The following ZPBP variants were observed in gnomAD, a reference collection of about 807,000 sequenced individuals.
ZPBP encodes zona pellucida-binding protein 1.
Under a neutral mutation model 44.8 loss-of-function variants are expected in ZPBP, and 26 were observed. The ratio of observed to expected loss-of-function variants is 0.58; its 90% CI spans 0.43 to 0.81. The LOEUF is 0.81. Among genes scored for constraint, ZPBP ranks in the 30% least tolerant of loss-of-function variants. ZPBP has a pLI of 0.00. For missense variants in ZPBP, 409 were observed against 434.0 expected (o/e 0.94, Z 0.51); for synonymous variants, 174 against 153.2 (o/e 1.14, Z -1.00).
intron 1 of ZPBP, among the ~76,000 whole-genome samples, chr7:49,932,289 C>A (rs1794475088): frequency 6.6e-6 from 1 of 152,144 alleles, no homozygotes; most frequent in Admixed American, 6.6e-5. Flanking sequence ...AGCCACAGAA[C>A]ACCAGCCTGT....
intron 7 of ZPBP, chr7:49,944,233 G>T: frequency 2.8e-6 from 1 of 359,426 alleles, no homozygotes; most frequent in South Asian, 2.7e-5. Flanking sequence ...TTGCCACTGT[G>T]CCAGAAGCCA....
At chr7:50,020,030 AG>A (rs1245854681) in intron 5 of ZPBP, among the ~76,000 whole-genome samples, 3 of 151,630 alleles carry the variant, frequency 2.0e-5, no homozygotes, top group African/African-American at 7.3e-5. Context: ...CCTCGGCAAC[AG>A]AGTGAGACTC....
At chr7:50,071,353 A>G (rs1584170956) in intron 3 of ZPBP, among the ~76,000 whole-genome samples, 2 of 152,266 alleles carry the variant, frequency 1.3e-5, no homozygotes, top group Middle Eastern at 6.8e-3. Flanking sequence ...TCCCAGCAAT[A>G]TGAACTTGAG....
At chr7:50,049,299 C>T (rs1411506374) in intron 4 of ZPBP, among the ~76,000 whole-genome samples, 1 of 151,872 alleles carries the variant, frequency 6.6e-6, no homozygotes, top group Non-Finnish European at 1.5e-5. Flanking sequence ...GAAGGGAATA[C>T]ACCCCAGCGC....
chr7:49,988,971 T>C (rs1797441550), intron 6 of ZPBP, among the ~76,000 whole-genome samples: 5 of 152,230 alleles, frequency 3.3e-5, no homozygotes, highest in Admixed American at 3.3e-4. Flanking sequence ...GAGTAAGTTA[T>C]ACTCCTATGA....
intron 1 of ZPBP, chr7:49,914,259 A>G (rs1476939911): frequency 2.0e-5 from 3 of 152,254 alleles, no homozygotes; most frequent in African/African-American, 7.2e-5. Flanking sequence ...TTCCCTTAAT[A>G]ATAATTCCTA....
chr7:49,882,374 G>A (rs1051442920), intron 2 of ZPBP, among the ~76,000 whole-genome samples: 14 of 152,102 alleles, frequency 9.2e-5, no homozygotes, highest in Admixed American at 2.0e-4. Flanking sequence ...AGTATTTCAC[G>A]TCAATAAACC....
At chr7:49,977,445 T>C (rs1288163691) in intron 7 of ZPBP, among the ~76,000 whole-genome samples, 1 of 152,204 alleles carries the variant, frequency 6.6e-6, no homozygotes, top group African/African-American at 2.4e-5. Flanking sequence ...CTGAAATGCT[T>C]TATTTAAAAA....
At chr7:49,946,187 T>C (rs1795097376) in intron 7 of ZPBP, among the ~76,000 whole-genome samples, 2 of 152,166 alleles carry the variant, frequency 1.3e-5, no homozygotes, top group Admixed American at 1.3e-4. Context: ...AAAGTTGTTG[T>C]AGTTATTATT....
intron 2 of ZPBP, among the ~76,000 whole-genome samples, chr7:49,876,964 A>G (rs942494801): frequency 5.3e-5 from 8 of 152,028 alleles, no homozygotes; most frequent in African/African-American, 1.9e-4. Context: ...CAGGTCTTCA[A>G]GATTCAAATA....
intron 6 of ZPBP, among the ~76,000 whole-genome samples, chr7:50,007,363 C>A (rs973497243): frequency 6.6e-6 from 1 of 151,916 alleles, no homozygotes; most frequent in Non-Finnish European, 1.5e-5. Context: ...CCTGAGTAGA[C>A]CTGTAACTAG....
rs1410544165 is a variant in ZPBP, at chr7:50,093,246, C to G, written c.-52G>C. The G allele has an allele frequency of 6.8e-7, 1 of 1,461,418 alleles. No homozygotes were observed. The highest frequency in any genetic ancestry group is 2.7e-5 in the East Asian group (1 of 37,216). 90.5% of individuals were successfully genotyped at this position (1,461,418 alleles called of 1,614,324 possible). On this transcript the variant is annotated 5_prime_UTR_variant, in exon 1 of 8. Transcript: ENST00000046087. ...GTCCGCGCGGAAGGTCGTTAGGCAACGCGCGCCCACCTGCAGCCGGAAGTT... is the reference window on the plus strand; with the variant it reads ...GTCCGCGCGGAAGGTCGTTAGGCAAGGCGCGCCCACCTGCAGCCGGAAGTT...
At chr7:49,980,358 T>A (rs1302320106) in intron 7 of ZPBP, among the ~76,000 whole-genome samples, 1 of 140,508 alleles carries the variant, frequency 7.1e-6, no homozygotes, top group Non-Finnish European at 1.5e-5. Context: ...ATATAAAAAT[T>A]AATTTTTCAG....
chr7:49,987,819 C>T (rs1490822863), intron 6 of ZPBP, among the ~76,000 whole-genome samples: 2 of 151,226 alleles, frequency 1.3e-5, no homozygotes, highest in Admixed American at 1.3e-4. Flanking sequence ...GAAGGATAAG[C>T]ACTTGGATCA....
At chr7:49,927,680 C>A (rs1002985464) in intron 1 of ZPBP, among the ~76,000 whole-genome samples, 1 of 152,094 alleles carries the variant, frequency 6.6e-6, no homozygotes, top group Non-Finnish European at 1.5e-5. Context: ...GTGATGTCAC[C>A]CAGCTGGCAC....
At chr7:49,987,124 T>C (rs1386465163) in intron 6 of ZPBP, among the ~76,000 whole-genome samples, 1 of 152,150 alleles carries the variant, frequency 6.6e-6, no homozygotes. Flanking sequence ...CCACCTTGAA[T>C]TTTCCTCTCT....
chr7:50,024,282 T>C (rs767711809), intron 5 of ZPBP, among the ~76,000 whole-genome samples: 1 of 151,912 alleles, frequency 6.6e-6, no homozygotes, highest in African/African-American at 2.4e-5. Flanking sequence ...GAACTACCAT[T>C]TGACCAAGCA....
chr7:49,908,982 A>G (rs1000881244), intron 1 of ZPBP, among the ~76,000 whole-genome samples: 2 of 152,266 alleles, frequency 1.3e-5, no homozygotes, highest in Non-Finnish European at 2.9e-5. Flanking sequence ...GCCCTGACAT[A>G]GAAAGATTAA....
chr7:50,080,056 A>G (rs1239942367), intron 3 of ZPBP, among the ~76,000 whole-genome samples: 1 of 151,770 alleles, frequency 6.6e-6, no homozygotes, highest in East Asian at 1.9e-4. Context: ...ACAAGTAATC[A>G]CATAATTACA....
Sources: allele counts gnomAD v4.1 joint callset (sites outside exome capture counted in the v4.1 genomes callset), GRCh38; gene constraint gnomAD v4.1.1; transcripts MANE v1.5; gene names NCBI Gene and HGNC (gene_info 2026-07-23, HGNC 2026-07-21).